CTNNA3: variants seen among roughly 807,000 people sequenced by gnomAD.
The protein encoded by CTNNA3 is catenin alpha 3.
Under a neutral mutation model 95.7 loss-of-function variants are expected in CTNNA3, and 76 were observed. That is an observed-to-expected ratio of 0.79 (90% confidence interval 0.66 to 0.96). The LOEUF (loss-of-function observed/expected upper bound fraction) is 0.96, where lower values mean the gene tolerates loss of function less well. CTNNA3 is among the 40% of genes least tolerant of loss of function. CTNNA3 has a pLI of 0.00. For synonymous variants in CTNNA3, 431 were observed against 374.4 expected, an observed-to-expected ratio of 1.15 and a Z score of -1.74; for missense variants, 1,191 against 1,089.8, an observed-to-expected ratio of 1.09 and a Z score of -1.31.
intron 9 of CTNNA3, among the ~76,000 whole-genome samples, chr10:66,660,300 A>T (rs1846219290): frequency 6.6e-6 from 1 of 152,166 alleles, no homozygotes; most frequent in African/African-American, 2.4e-5. Flanking sequence ...CTGTGAGATC[A>T]CTAAAATATT....
intron 11 of CTNNA3, among the ~76,000 whole-genome samples, chr10:66,467,634 G>A (rs1838971498): frequency 6.6e-6 from 1 of 152,034 alleles, no homozygotes; most frequent in African/African-American, 2.4e-5. Flanking sequence ...GAAAACTTTT[G>A]TTGTGTATGT....
intron 15 of CTNNA3, among the ~76,000 whole-genome samples, chr10:66,042,694 G>T (rs1215054296): frequency 1.3e-5 from 2 of 151,780 alleles, no homozygotes; most frequent in African/African-American, 4.8e-5. Context: ...GACGTCAGGA[G>T]TTCGAGACCA....
Position 66,331,417 on chromosome 10 carries a change from G to A in CTNNA3, c.1732+47735C>T, listed in dbSNP as rs376786607. Among the ~76,000 whole-genome samples, 64 of 126,736 alleles carry A rather than the reference G, an allele frequency of 5.0e-4. 1 individual carries two copies. In the South Asian group the frequency reaches 0.013, roughly 26 times the overall value. 83.1% of individuals were successfully genotyped at this position (126,736 alleles called of 152,430 possible). On this transcript the variant is annotated intron_variant, in intron 12 of 17. Transcript: ENST00000433211. ...CGCCCAGGCTGGAGTGCAGTGGCGC[G>A]ATCTCGACTCACTGCAAGCTCCGCC...
intron 10 of CTNNA3, among the ~76,000 whole-genome samples, chr10:66,541,980 A>G (rs1841869444): frequency 6.6e-6 from 1 of 152,162 alleles, no homozygotes; most frequent in Non-Finnish European, 1.5e-5. Context: ...AATTTTTGCA[A>G]TCTGCTTATC....
intron 7 of CTNNA3, among the ~76,000 whole-genome samples, chr10:67,053,633 T>C (rs1855251812): frequency 1.3e-5 from 2 of 152,152 alleles, no homozygotes; most frequent in Non-Finnish European, 2.9e-5. Flanking sequence ...TTTTCTAAAC[T>C]GTAAATTTCC....
chr10:66,304,536 C>T (rs1235757183), intron 12 of CTNNA3, among the ~76,000 whole-genome samples: 5 of 152,066 alleles, frequency 3.3e-5, no homozygotes, highest in East Asian at 1.9e-4. Flanking sequence ...AATCCATACG[C>T]TCATCAGTAG....
At chr10:66,185,132 A>G (rs1214508700) in intron 13 of CTNNA3, among the ~76,000 whole-genome samples, 2 of 152,206 alleles carry the variant, frequency 1.3e-5, no homozygotes, top group Non-Finnish European at 2.9e-5. Context: ...TGAATCTTCT[A>G]AATTAGTTGA....
intron 11 of CTNNA3, among the ~76,000 whole-genome samples, chr10:66,474,169 C>G (rs1453764197): frequency 6.6e-6 from 1 of 151,996 alleles, no homozygotes; most frequent in African/African-American, 2.4e-5. Context: ...GTTATTCTGT[C>G]TATCTAACTG....
intron 10 of CTNNA3, among the ~76,000 whole-genome samples, chr10:66,606,678 G>A (rs1443235355): frequency 6.6e-6 from 1 of 151,890 alleles, no homozygotes; most frequent in African/African-American, 2.4e-5. Flanking sequence ...ATGGCTTTTG[G>A]GTAAATAATG....
At chr10:66,933,314 T>G (rs1036891842) in intron 7 of CTNNA3, among the ~76,000 whole-genome samples, 4 of 152,216 alleles carry the variant, frequency 2.6e-5, no homozygotes, top group African/African-American at 9.6e-5. Context: ...ATTATCACAA[T>G]GTACAACAGA....
chr10:66,668,265 G>A (rs10762090), intron 9 of CTNNA3, among the ~76,000 whole-genome samples: 99,310 of 151,790 alleles, frequency 0.65, 33,222 homozygotes, highest in East Asian at 0.95. Context: ...GGAATATAAT[G>A]GGAAACATAA....
intron 13 of CTNNA3, among the ~76,000 whole-genome samples, chr10:66,214,863 C>A (rs2088412675): frequency 6.6e-6 from 1 of 151,898 alleles, no homozygotes; most frequent in Non-Finnish European, 1.5e-5. Context: ...AGGAGACTCT[C>A]AGTATATATA....
rs57121777 is a variant in CTNNA3 at position 66,281,823 on chromosome 10, T to C, written c.1733-1202A>G. On this transcript the variant is annotated intron_variant, in intron 12 of 17. Coordinates refer to ENST00000433211, the MANE Select transcript of CTNNA3 (RefSeq NM_013266.4). ...ATGGGCACTCTTTTTATCTGGTCCT[T>C]TCTTTCCTCTAGCTGCCAAAATGTA... 2.1e-3 allele frequency among the ~76,000 whole-genome samples: 319 copies of C among 151,846 alleles called. 2 individuals carry two copies. Among genetic ancestry groups the C allele is most frequent in the African/African-American group, 7.4e-3 (307 of 41,486 alleles).
At chr10:67,124,391 G>C (rs866418917) in intron 7 of CTNNA3, among the ~76,000 whole-genome samples, 1 of 150,378 alleles carries the variant, frequency 6.6e-6, no homozygotes, top group East Asian at 2.0e-4. Context: ...AAATGACTGT[G>C]GAAGGTTCTA....
chr10:66,176,181 C>T (rs11817489), intron 13 of CTNNA3, among the ~76,000 whole-genome samples: 21,732 of 151,886 alleles, frequency 0.14, 1,913 homozygotes, highest in East Asian at 0.2. Flanking sequence ...CATACGTGTG[C>T]GCACATGTAT....
chr10:67,100,535 CAG>C (rs1223378855), intron 7 of CTNNA3, among the ~76,000 whole-genome samples: 2 of 151,490 alleles, frequency 1.3e-5, no homozygotes, highest in East Asian at 3.9e-4. Flanking sequence ...CTATCTTTTC[CAG>C]CATTTGATAA....
At chr10:67,588,112 T>C (rs2133339618) in intron 3 of CTNNA3, among the ~76,000 whole-genome samples, 1 of 152,266 alleles carries the variant, frequency 6.6e-6, no homozygotes, top group South Asian at 2.1e-4. Flanking sequence ...ATTGTTTTCC[T>C]GATTTCTTTA....
intron 7 of CTNNA3, among the ~76,000 whole-genome samples, chr10:67,134,694 G>C (rs1351135311): frequency 6.6e-6 from 1 of 152,104 alleles, no homozygotes; most frequent in Middle Eastern, 3.2e-3. Context: ...ATCCTAGCTT[G>C]CACTCTTTGT....
At position 67,234,192 on chromosome 10, in the gene CTNNA3, C is replaced by T. The variant is rs559125624; in HGVS notation, c.580-14322G>A. 3.4e-4 allele frequency among the ~76,000 whole-genome samples: 52 copies of T among 152,190 alleles called. 1 individual carries two copies. In the South Asian group the frequency reaches 0.01, roughly 30 times the overall value. On this transcript the variant is annotated intron_variant, in intron 5 of 17. Transcript: ENST00000433211. ...GCCAGCATCATCCTGATACCAAAGC[C>T]GGGCAGAGACACAACCAAAAGAGAG...
Sources: gnomAD v4.1 joint callset for allele counts (sites outside exome capture counted in the v4.1 genomes callset) on GRCh38, gnomAD v4.1.1 for gene constraint, MANE v1.5 for transcripts, NCBI Gene and HGNC (gene_info 2026-07-23, HGNC 2026-07-21) for gene names.